MYO5B: variants seen among roughly 807,000 people sequenced by gnomAD.
MYO5B encodes myosin VB.
Under a neutral mutation model 229.3 loss-of-function variants are expected in MYO5B, and 143 were observed. That is an observed-to-expected ratio of 0.62 (90% CI 0.54 to 0.72). MYO5B has a LOEUF of 0.72. Among genes scored for constraint, MYO5B ranks in the 30% least tolerant of loss-of-function variants. MYO5B has a pLI of 0.00. For synonymous variants in MYO5B, 918 were observed against 885.2 expected, an observed-to-expected ratio of 1.04 and a Z score of -0.66; for missense variants, 2,321 against 2,331.0, an observed-to-expected ratio of 1.00 and a Z score of 0.09.
intron 12 of MYO5B, among the ~76,000 whole-genome samples, chr18:49,960,163 T>G (rs1257810821): frequency 6.6e-6 from 1 of 152,140 alleles, no homozygotes; most frequent in Non-Finnish European, 1.5e-5. Context: ...ACTGCACAGC[T>G]TCCCCAAGAA....
At chr18:49,910,168 C>T (rs2024941996) in intron 18 of MYO5B, among the ~76,000 whole-genome samples, 1 of 152,216 alleles carries the variant, frequency 6.6e-6, no homozygotes, top group African/African-American at 2.4e-5. Flanking sequence ...GGCCCAGTGT[C>T]CTGAGCACAT....
At chr18:49,872,274 A>G in intron 26 of MYO5B, 42 bp from the exon 27 acceptor site, 1 of 1,598,108 alleles carries the variant, frequency 6.3e-7, no homozygotes, top group Non-Finnish European at 8.6e-7. Context: ...GACCTCGAGC[A>G]AGATATTCCA....
At chr18:50,024,473 G>C (rs1432069612) in intron 4 of MYO5B, among the ~76,000 whole-genome samples, 1 of 152,120 alleles carries the variant, frequency 6.6e-6, no homozygotes, top group Admixed American at 6.6e-5. Flanking sequence ...TTGTAGAGAA[G>C]GTTTAATGCC....
At chr18:50,031,583 T>C (rs1405578940) in intron 4 of MYO5B, among the ~76,000 whole-genome samples, 1 of 152,192 alleles carries the variant, frequency 6.6e-6, no homozygotes, top group African/African-American at 2.4e-5. Flanking sequence ...TATAATTCCC[T>C]GCCTTTCATC....
rs534412018 is a variant in MYO5B at position 49,865,228 on chromosome 18, G to A, written c.3604-848C>T. On this transcript the variant is annotated intron_variant, in intron 27 of 39. Coordinates refer to ENST00000285039, the MANE Select transcript of MYO5B (RefSeq NM_001080467.3). Reference sequence around the variant, plus strand: ...TGAATCTCTTGATTTGCTGAGTGAGGAAGCTGAGCCCAGGGAGGGGAAGGC... The same window carrying A: ...TGAATCTCTTGATTTGCTGAGTGAGAAAGCTGAGCCCAGGGAGGGGAAGGC... 3.3e-5 allele frequency among the ~76,000 whole-genome samples: 5 copies of A among 152,284 alleles called. 1 individual carries two copies. The South Asian group carries it at 1.0e-3, about 32-fold the overall frequency.
In MYO5B at chr18:49,875,746, T is replaced by G. The variant is rs776648627; in HGVS notation, c.3478A>C (p.Arg1160=). ...TCCAGCTGCACTTGCAGCTTTTTCCTCTCCTGCTCCAGCTCCCGTACTCTC... is the reference window on the plus strand; with the variant it reads ...TCCAGCTGCACTTGCAGCTTTTTCCGCTCCTGCTCCAGCTCCCGTACTCTC... ...QKRVRELEQE[R]KKLQVQLEKR... Residue 1160 remains arginine (R), a synonymous_variant, in exon 26 of 40, where the codon AGG becomes CGG. Coordinates refer to ENST00000285039, the MANE Select transcript of MYO5B (RefSeq NM_001080467.3). 22 of 1,613,980 alleles carry G rather than the reference T, an allele frequency of 1.4e-5. No homozygotes were observed. Among genetic ancestry groups the G allele is most frequent in the Non-Finnish European group, 1.8e-5 (21 of 1,180,010 alleles).
At chr18:50,055,403 TTAGA>T (rs765926661) in intron 1 of MYO5B, 25 bp from the exon 2 acceptor site, 24 of 1,578,658 alleles carry the variant, frequency 1.5e-5, no homozygotes, top group Non-Finnish European at 2.0e-5. Context: ...CAGAAGAAAC[TTAGA>T]TACAGAACAA....
intron 14 of MYO5B, among the ~76,000 whole-genome samples, chr18:49,948,766 A>G (rs1423110834): frequency 6.8e-6 from 1 of 148,020 alleles, no homozygotes; most frequent in Admixed American, 6.6e-5. Flanking sequence ...GTCAAGCCAT[A>G]AGCAGCAGGA....
At position 49,823,025 on chromosome 18, in the gene MYO5B, A is replaced by T. The variant is rs1243661857; in HGVS notation, c.*3446T>A. 6.6e-6 allele frequency: 1 copy of T among 152,200 alleles called. No homozygotes were observed. Among genetic ancestry groups the T allele is most frequent in the East Asian group, 1.9e-4 (1 of 5,206 alleles). The allele number at this position is 152,200 out of a possible 1,614,324, so 9.4% of individuals were successfully genotyped here. The stretch of plus-strand genomic sequence containing the variant: ...AGAGGCAGTCCTTCATCTAAATGTC[A>T]GTTGGTGGCAAAATGTTATATTCAA... On this transcript the variant is annotated 3_prime_UTR_variant, in exon 40 of 40. Coordinates refer to ENST00000285039, the MANE Select transcript of MYO5B (RefSeq NM_001080467.3).
chr18:50,059,359 C>G (rs1018093154), intron 1 of MYO5B, among the ~76,000 whole-genome samples: 10 of 152,134 alleles, frequency 6.6e-5, no homozygotes, highest in African/African-American at 2.4e-4. Context: ...AAAATATGCC[C>G]TAATGGGGTG....
In MYO5B at chr18:49,863,243, C is replaced by T. The variant is rs769875052; in HGVS notation, c.3928G>A (p.Val1310Ile). ...CGGCCTTACCTGTTTGTCTGGCAGA[C>T]CCCGTGATAGGCCTCAATGGCATCC... Reference protein sequence around the residue: ...QEDAIEAYHGVCQTNSKTEDW... With the variant: ...QEDAIEAYHGICQTNSKTEDW... Residue 1310 changes from valine (V) to isoleucine (I), a missense_variant, in exon 29 of 40, where the codon GTC (valine) becomes ATC (isoleucine). Physicochemically the swap from Val to Ile is conservative, Grantham distance 29. Around this residue, in one of 2 missense-constraint regions of MYO5B, gnomAD observed 2,113 missense variants for 2,044.7 expected, o/e 1.03. Transcript: ENST00000285039. 1.2e-6 allele frequency: 2 copies of T among 1,613,076 alleles called. No individual in the cohort carries two copies. Among genetic ancestry groups the T allele is most frequent in the Non-Finnish European group, 1.7e-6 (2 of 1,179,916 alleles).
At chr18:50,068,457 A>C (rs1255794738) in intron 1 of MYO5B, among the ~76,000 whole-genome samples, 1 of 152,220 alleles carries the variant, frequency 6.6e-6, no homozygotes, top group Non-Finnish European at 1.5e-5. Flanking sequence ...CCAAGCCCCC[A>C]TAGATCAGAG....
intron 1 of MYO5B, among the ~76,000 whole-genome samples, chr18:50,061,340 A>G (rs951630307): frequency 5.9e-5 from 9 of 152,216 alleles, no homozygotes; most frequent in African/African-American, 1.9e-4. Context: ...ATCACAGCAC[A>G]TAAGTATTAG....
At chr18:50,115,821 GA>G (rs1308344277) in intron 1 of MYO5B, among the ~76,000 whole-genome samples, 3 of 151,858 alleles carry the variant, frequency 2.0e-5, no homozygotes, top group African/African-American at 7.3e-5. Flanking sequence ...GGGTATGTGG[GA>G]GGGGGGAGGG....
chr18:49,875,113 T>C (rs137980749), intron 26 of MYO5B, among the ~76,000 whole-genome samples: 74 of 152,336 alleles, frequency 4.9e-4, no homozygotes, highest in Non-Finnish European at 9.1e-4. Flanking sequence ...TAGTTCTGAA[T>C]GCAGCATGGG....
At chr18:49,992,762 A>C (rs530252697) in intron 5 of MYO5B, among the ~76,000 whole-genome samples, 33 of 152,140 alleles carry the variant, frequency 2.2e-4, no homozygotes, top group Non-Finnish European at 4.0e-4. Flanking sequence ...GGTACCAGCT[A>C]TAGCAGTTAT....
Position 49,936,317 on chromosome 18 carries a change from G to T in MYO5B, c.1938C>A (p.Thr646=). 1 of 1,602,926 alleles carries T rather than the reference G, an allele frequency of 6.2e-7. No individual in the cohort carries two copies. The change falls in exon 16 of 40, where the codon ACC becomes ACA. Residue 646 remains threonine (T), a synonymous_variant. Coordinates refer to ENST00000285039, the MANE Select transcript of MYO5B (RefSeq NM_001080467.3). ...CATAGTGAGGTGTCGTGGCATTCAGGGTCTCCATGAGCAGATGCAGGGAGG... is the reference window on the plus strand; with the variant it reads ...CATAGTGAGGTGTCGTGGCATTCAGTGTCTCCATGAGCAGATGCAGGGAGG... The part of the protein sequence containing the change: ...FRTSLHLLME[T]LNATTPHYVR...
At chr18:49,953,450 A>G (rs2025451327) in intron 13 of MYO5B, 107 bp from the exon 14 acceptor site, 1 of 927,166 alleles carries the variant, frequency 1.1e-6, no homozygotes, top group Non-Finnish European at 1.8e-6. Context: ...CTGTGAGTAG[A>G]TAGGAAACCC....
At chr18:49,885,525 G>A (rs771531098) in intron 22 of MYO5B, among the ~76,000 whole-genome samples, 7 of 152,154 alleles carry the variant, frequency 4.6e-5, no homozygotes, top group Non-Finnish European at 8.8e-5. Flanking sequence ...TAAACCAGCA[G>A]AAGCCTAAAT....
Sources: allele counts gnomAD v4.1 joint callset (sites outside exome capture counted in the v4.1 genomes callset), GRCh38; gene constraint gnomAD v4.1.1; regional missense constraint gnomAD v4.1.1; transcripts MANE v1.5; gene names NCBI Gene and HGNC (gene_info 2026-07-23, HGNC 2026-07-21).